GPX4: variants seen among roughly 807,000 people sequenced by gnomAD.
GPX4 encodes the protein glutathione peroxidase 4.
In GPX4, 28 loss-of-function variants were observed where a neutral mutation model predicts 27.8. The ratio of observed to expected loss-of-function variants is 1.01; its 90% CI spans 0.75 to 1.38. The LOEUF is 1.38. Ranked by LOEUF, GPX4 falls within the 40% of genes most tolerant of loss-of-function variation. GPX4 has a pLI of 0.00. For synonymous variants in GPX4, 163 were observed against 107.8 expected (o/e 1.51, Z -3.17); for missense variants, 357 against 274.1 (o/e 1.30, Z -2.14).
At chr19:1,104,341 G>A (rs906329240) in intron 1 of GPX4, 5 of 498,936 alleles carry the variant, frequency 1.0e-5, no homozygotes, top group Non-Finnish European at 1.7e-5. Context: ...AGGCGCGCGG[G>A]CTGGGGTCGG....
intron 1 of GPX4, 132 bp downstream of exon 1, chr19:1,104,259 T>A (rs2079622304): frequency 5.1e-6 from 4 of 780,374 alleles, no homozygotes; most frequent in Non-Finnish European, 7.4e-6. Context: ...GGGCTCCCCC[T>A]CCCCACCCCC....
Position 1,106,721 on chromosome 19 carries a change from T to C in GPX4, c.*149T>C. 9.5e-7 allele frequency: 1 copy of C among 1,052,218 alleles called. No homozygotes were observed. Among genetic ancestry groups the C allele is most frequent in the East Asian group, 2.6e-5 (1 of 38,448 alleles). The allele number at this position is 1,052,218 out of a possible 1,614,324, so 65.2% of individuals were successfully genotyped here. A position where few individuals can be genotyped will look rare whatever the true frequency, so the allele number is the denominator to read the frequency against. Reference sequence around the variant, plus strand: ...GCCGGAGGAAGGTCCCATGGCCTGCTGGGCTTGGCTCGGCGCCCCCACCCC... The same window carrying C: ...GCCGGAGGAAGGTCCCATGGCCTGCCGGGCTTGGCTCGGCGCCCCCACCCC... On this transcript the variant is annotated 3_prime_UTR_variant, in exon 7 of 7. Coordinates refer to ENST00000354171, the MANE Select transcript of GPX4 (RefSeq NM_002085.5).
In GPX4 at chr19:1,106,387, C is replaced by T. The variant is rs752207175; in HGVS notation, c.502-13C>T. The T allele has an allele frequency of 7.4e-6, 12 of 1,613,358 alleles. No homozygotes were observed. The highest frequency in any genetic ancestry group is 1.6e-4 in the Middle Eastern group (1 of 6,084). On this transcript the variant is annotated splice_polypyrimidine_tract_variant and intron_variant, in intron 5 of 6. Coordinates refer to ENST00000354171, the MANE Select transcript of GPX4 (RefSeq NM_002085.5). ...AGGGGTGGCCCCACAGTTTGGACAC[C>T]GTCTCTCCACAGTTCCTCATCGACA... is the stretch of plus-strand genomic sequence containing the variant.
At position 1,105,743 on chromosome 19, in the gene GPX4, G is replaced by A. The variant is rs770360197; in HGVS notation, c.410G>A (p.Gly137Glu). The A allele has an allele frequency of 3.7e-6, 6 of 1,601,442 alleles. No homozygotes were observed. The highest frequency in any genetic ancestry group is 5.1e-6 in the Non-Finnish European group (6 of 1,174,310). The change falls in exon 4 of 7, where the codon GGG becomes GAG. Residue 137 changes from glycine to glutamate, a missense_variant. Gly to Glu is a moderately conservative substitution (Grantham distance 98). Coordinates refer to ENST00000354171, the MANE Select transcript of GPX4 (RefSeq NM_002085.5). ...ATGTTCAGCAAGATCTGCGTGAACG[G>A]GGACGACGCCCACCCGCTGTGGAAG... ...FDMFSKICVN[G>E]DDAHPLWKWM...
In GPX4 at chr19:1,106,387, C is replaced by G. The variant is rs752207175; in HGVS notation, c.502-13C>G. The G allele has an allele frequency of 6.2e-7, 1 of 1,613,476 alleles. No homozygotes were observed. Among genetic ancestry groups the G allele is most frequent in the Non-Finnish European group, 8.5e-7 (1 of 1,179,912 alleles). On this transcript the variant is annotated splice_polypyrimidine_tract_variant and intron_variant, in intron 5 of 6. Coordinates refer to ENST00000354171, the MANE Select transcript of GPX4 (RefSeq NM_002085.5). ...AGGGGTGGCCCCACAGTTTGGACAC[C>G]GTCTCTCCACAGTTCCTCATCGACA...
rs2145163774 is a variant in GPX4 at position 1,104,010 on chromosome 19, A to G, written c.-34A>G. The G allele has an allele frequency of 6.6e-7, 1 of 1,509,006 alleles. No homozygotes were observed. Among genetic ancestry groups the G allele is most frequent in the Admixed American group, 2.1e-5 (1 of 48,464 alleles). 93.5% of individuals were successfully genotyped at this position (1,509,006 alleles called of 1,614,324 possible). ...CGCGCGTCCATTGGTCGGCTGGACG[A>G]GGGGAGGAGCCGCTGGCTCCCAGCC... On this transcript the variant is annotated 5_prime_UTR_variant, in exon 1 of 7. Transcript: ENST00000354171.
At position 1,105,514 on chromosome 19, in the gene GPX4, G is replaced by T. The variant is rs376330757; in HGVS notation, c.324+4G>T. ...GTGTAACCAGTTCGGGAAGCAGGTG[G>T]GCTGCTGCGTCCCCGGGGCCCGCAG... On this transcript the variant is annotated splice_donor_region_variant and intron_variant, in intron 3 of 6. Coordinates refer to ENST00000354171, the MANE Select transcript of GPX4 (RefSeq NM_002085.5). The T allele has an allele frequency of 6.2e-7, 1 of 1,612,270 alleles. No homozygotes were observed. The highest frequency in any genetic ancestry group is 8.5e-7 in the Non-Finnish European group (1 of 1,179,692).
Position 1,105,708 on chromosome 19 carries a change from C to T in GPX4, c.375C>T (p.Val125=), listed in dbSNP as rs1453230346. 2 of 1,611,510 alleles carry T rather than the reference C, an allele frequency of 1.2e-6. No homozygotes were observed. The highest frequency in any genetic ancestry group is 1.7e-6 in the Non-Finnish European group (2 of 1,179,074). Residue 125 remains valine, a synonymous_variant, in exon 4 of 7, where the codon GTC becomes GTT. Transcript: ENST00000354171. ...AAGAGTTCGCCGCGGGCTACAACGT[C>T]AAATTCGATATGTTCAGCAAGATCT... The part of the protein sequence containing the change: ...EIKEFAAGYN[V]KFDMFSKICV...
rs2079656219 is a variant in GPX4 at position 1,106,382 on chromosome 19, G to T, written c.502-18G>T. 1.2e-6 allele frequency: 2 copies of T among 1,613,464 alleles called. No homozygotes were observed. The highest frequency in any genetic ancestry group is 8.5e-7 in the Non-Finnish European group (1 of 1,179,936). On this transcript the variant is annotated intron_variant, in intron 5 of 6. Transcript: ENST00000354171. ...CTTGCAGGGGTGGCCCCACAGTTTGGACACCGTCTCTCCACAGTTCCTCAT... is the reference window on the plus strand; with the variant it reads ...CTTGCAGGGGTGGCCCCACAGTTTGTACACCGTCTCTCCACAGTTCCTCAT...
At chr19:1,106,375 C>A in intron 5 of GPX4, 25 bp from the exon 6 acceptor site, 1 of 1,613,426 alleles carries the variant, frequency 6.2e-7, no homozygotes, top group Non-Finnish European at 8.5e-7. Flanking sequence ...GGTGGCCCCA[C>A]AGTTTGGACA....
chr19:1,104,502 A>AG, intron 1 of GPX4: 1 of 432,134 alleles, frequency 2.3e-6, no homozygotes, highest in African/African-American at 2.1e-5. Flanking sequence ...TGGACCGTTG[A>AG]GGGCCACGGC....
rs376007177 is a variant in GPX4 at position 1,105,439 on chromosome 19, G to C, written c.253G>C (p.Asp85His). 2 of 1,612,606 alleles carry C rather than the reference G, an allele frequency of 1.2e-6. No homozygotes were observed. Among genetic ancestry groups the C allele is most frequent in the Non-Finnish European group, 1.7e-6 (2 of 1,179,750 alleles). Residue 85 changes from aspartate (D) to histidine (H), a missense_variant, in exon 3 of 7, where the codon GAC (aspartate) becomes CAC (histidine). By Grantham distance (81) the Asp-to-His change is moderately conservative. Transcript: ENST00000354171. ...CGAAGTAAACTACACTCAGCTCGTCGACCTGCACGCCCGATACGCTGAGTG... is the reference window on the plus strand; with the variant it reads ...CGAAGTAAACTACACTCAGCTCGTCCACCTGCACGCCCGATACGCTGAGTG... ...KTEVNYTQLV[D>H]LHARYAECGL...
chr19:1,104,010 AG>A lies in GPX4; in HGVS notation c.-30del. 6.6e-7 allele frequency: 1 copy of A among 1,509,002 alleles called. No homozygotes were observed. Among genetic ancestry groups the A allele is most frequent in the South Asian group, 1.2e-5 (1 of 81,600 alleles). The allele number at this position is 1,509,002 out of a possible 1,614,324, so 93.5% of individuals were successfully genotyped here. A position where few individuals can be genotyped will look rare whatever the true frequency, so the allele number is the denominator to read the frequency against. On this transcript the variant is annotated 5_prime_UTR_variant, in exon 1 of 7. Transcript: ENST00000354171. The stretch of plus-strand genomic sequence containing the variant: ...CGCGCGTCCATTGGTCGGCTGGACG[AG>A]GGGAGGAGCCGCTGGCTCCCAGCCC...
chr19:1,106,413 A>C lies in GPX4; in HGVS notation c.515A>C (p.Lys172Thr), dbSNP rs776857747. The C allele has an allele frequency of 6.2e-7, 1 of 1,613,520 alleles. No homozygotes were observed. Among genetic ancestry groups the C allele is most frequent in the Non-Finnish European group, 8.5e-7 (1 of 1,179,944 alleles). ...KWNFTKFLID[K>T]NGCVVKRYGP... The stretch of plus-strand genomic sequence containing the variant: ...GTCTCTCCACAGTTCCTCATCGACA[A>C]GAACGGCTGCGTGGTGAAGCGCTAC... Residue 172 changes from lysine (K) to threonine (T), a missense_variant, in exon 6 of 7, where the codon AAG (lysine) becomes ACG (threonine). Physicochemically the swap from Lys to Thr is moderately conservative, Grantham distance 78. Coordinates refer to ENST00000354171, the MANE Select transcript of GPX4 (RefSeq NM_002085.5).
rs14283 is a variant in GPX4, at chr19:1,106,263, C to T, written c.498C>T (p.Thr166=). The T allele has an allele frequency of 3.6e-4, 568 of 1,599,268 alleles. 1 individual carries two copies. In the African/African-American group the frequency reaches 5.8e-3, roughly 16 times the overall value. The change falls in exon 5 of 7, where the codon ACC becomes ACT. Residue 166 remains threonine, a synonymous_variant. Coordinates refer to ENST00000354171, the MANE Select transcript of GPX4 (RefSeq NM_002085.5). ...CCAGTGCCATCAAGTGGAACTTCAC[C>T]AAGGTAAGGGGGCTGTGGGGGGTAG... is the stretch of plus-strand genomic sequence containing the variant. ...ILGNAIKWNF[T]KFLIDKNGCV... is the part of the protein sequence containing the mutation.
rs372370002 is a variant in GPX4, at chr19:1,105,236, C to A, written c.135C>A (p.Ser45=). ...GTGCGCGCTCCATGCACGAGTTTTC[C>A]GCCAAGGACATCGACGGGCACATGG... ...WRCARSMHEF[S]AKDIDGHMVN... Residue 45 remains serine (S), a synonymous_variant, in exon 2 of 7, where the codon TCC becomes TCA. Transcript: ENST00000354171. 1 of 1,613,102 alleles carries A rather than the reference C, an allele frequency of 6.2e-7. No individual in the cohort carries two copies. Among genetic ancestry groups the A allele is most frequent in the Non-Finnish European group, 8.5e-7 (1 of 1,179,914 alleles).
intron 1 of GPX4, chr19:1,104,426 G>T (rs1240351638): frequency 1.0e-5 from 4 of 385,030 alleles, no homozygotes; most frequent in Non-Finnish European, 1.8e-5. Flanking sequence ...GCAGGCGCGC[G>T]TGCCGGGGCC....
intron 4 of GPX4, 111 bp from the exon 5 acceptor site, chr19:1,106,131 C>A: frequency 9.5e-7 from 1 of 1,052,440 alleles, no homozygotes; most frequent in Non-Finnish European, 1.4e-6. Flanking sequence ...GGCACTGTGG[C>A]TGTGGAGGCA....
rs867002576 is a variant in GPX4, at chr19:1,106,457, C to T, written c.559C>T (p.Leu187=). ...VKRYGPMEEP[L]VIEKDLPHYF ...GCGCTACGGACCCATGGAGGAGCCC[C>T]TGGTAGGTCCTCTCTAGGGAGCCCG... is the stretch of plus-strand genomic sequence containing the variant. Residue 187 remains leucine (L), a splice_region_variant and synonymous_variant, in exon 6 of 7, where the codon CTG becomes TTG. Transcript: ENST00000354171. 3.1e-6 allele frequency: 5 copies of T among 1,613,234 alleles called. No individual in the cohort carries two copies. Among genetic ancestry groups the T allele is most frequent in the Non-Finnish European group, 3.4e-6 (4 of 1,179,818 alleles).
Sources: gnomAD v4.1 joint callset for allele counts on GRCh38, gnomAD v4.1.1 for gene constraint, MANE v1.5 for transcripts, NCBI Gene and HGNC (gene_info 2026-07-23, HGNC 2026-07-21) for gene names.